The following B3GALT1 variants were observed in gnomAD, a reference collection of about 807,000 sequenced individuals.
B3GALT1 encodes the protein beta-1,3-galactosyltransferase 1.
Under a neutral mutation model 23.2 loss-of-function variants are expected in B3GALT1, and 10 were observed. The observed-to-expected ratio is 0.43, with a 90% CI of 0.27 to 0.73. B3GALT1 has a LOEUF of 0.73. B3GALT1 is among the 30% of genes least tolerant of loss of function. The pLI is 0.21. For synonymous variants in B3GALT1, 156 were observed against 141.5 expected (o/e 1.10, Z -0.73); for missense variants, 299 against 405.4 (o/e 0.74, Z 2.25).
chr2:167,637,329 A>G (rs1685574262), intron 2 of B3GALT1, among the ~76,000 whole-genome samples: 1 of 152,066 alleles, frequency 6.6e-6, no homozygotes, highest in Non-Finnish European at 1.5e-5. Flanking sequence ...GCACCGTTAT[A>G]CTAATGCCCA....
chr2:167,356,474 ACTTG>A (rs1488180951), intron 1 of B3GALT1, among the ~76,000 whole-genome samples: 4 of 152,080 alleles, frequency 2.6e-5, no homozygotes, highest in African/African-American at 9.7e-5. Context: ...AAATTCCCTC[ACTTG>A]CTTCTATTAT....
At position 167,871,548 on chromosome 2, in the gene B3GALT1, A is replaced by G. The variant is rs552285507; in HGVS notation, c.*1528A>G. On this transcript the variant is annotated 3_prime_UTR_variant, in exon 5 of 5. Coordinates refer to ENST00000392690, the MANE Select transcript of B3GALT1 (RefSeq NM_020981.4). Reference sequence around the variant, plus strand: ...TCTGAGATTTCTTCTGGTTTCAATGAATAAGTGACTAGGTCAGTGTGTTGC... The same window carrying G: ...TCTGAGATTTCTTCTGGTTTCAATGGATAAGTGACTAGGTCAGTGTGTTGC... The G allele has an allele frequency of 7.2e-5, 11 of 152,276 alleles. No homozygotes were observed. The South Asian group carries it at 8.3e-4, about 11-fold the overall frequency. The allele number at this position is 152,276 out of a possible 1,614,324, so 9.4% of individuals were successfully genotyped here. A position where few individuals can be genotyped will look rare whatever the true frequency, so the allele number is the denominator to read the frequency against.
intron 1 of B3GALT1, among the ~76,000 whole-genome samples, chr2:167,360,220 A>G (rs16853505): frequency 0.036 from 5,518 of 152,254 alleles, 329 homozygotes; most frequent in African/African-American, 0.12. Flanking sequence ...ATATTTTGAC[A>G]TGAGGAATCT....
intron 3 of B3GALT1, among the ~76,000 whole-genome samples, chr2:167,678,015 C>A (rs750998772): frequency 1.3e-5 from 2 of 152,186 alleles, no homozygotes; most frequent in African/African-American, 2.4e-5. Context: ...CCTCCCCCAA[C>A]ACGTGCGGAT....
intron 2 of B3GALT1, among the ~76,000 whole-genome samples, chr2:167,502,454 C>A (rs921079756): frequency 2.0e-5 from 3 of 152,172 alleles, no homozygotes; most frequent in African/African-American, 7.2e-5. Flanking sequence ...TTAGAAAGAA[C>A]TACCTGAAAC....
chr2:167,313,956 A>G (rs1489120043), intron 1 of B3GALT1, among the ~76,000 whole-genome samples: 1 of 152,130 alleles, frequency 6.6e-6, no homozygotes, highest in Non-Finnish European at 1.5e-5. Flanking sequence ...TGCACCCAGT[A>G]ATAGTAACGC....
At position 167,339,304 on chromosome 2, in the gene B3GALT1, A is replaced by G. The variant is rs369878943; in HGVS notation, c.-511+45970A>G. On this transcript the variant is annotated intron_variant, in intron 1 of 4. Transcript: ENST00000392690. Reference sequence around the variant, plus strand: ...TTTTTAAAAAGCAAGTTGCGCAGGTAATACAAATGTATGACACAACTTATA... The same window carrying G: ...TTTTTAAAAAGCAAGTTGCGCAGGTGATACAAATGTATGACACAACTTATA... Among the ~76,000 whole-genome samples, 4 of 152,314 alleles carry G rather than the reference A, an allele frequency of 2.6e-5. No individual in the cohort carries two copies. In the South Asian group the frequency reaches 6.2e-4, roughly 24 times the overall value.
chr2:167,632,378 C>T (rs943736854), intron 2 of B3GALT1, among the ~76,000 whole-genome samples: 6 of 152,074 alleles, frequency 3.9e-5, no homozygotes, highest in African/African-American at 1.4e-4. Context: ...ACACTGTCTT[C>T]CACAATGGTT....
chr2:167,381,341 G>A (rs559699738), intron 1 of B3GALT1, among the ~76,000 whole-genome samples: 102 of 152,254 alleles, frequency 6.7e-4, no homozygotes, highest in African/African-American at 2.4e-3. Flanking sequence ...GATTATAGGC[G>A]TGAGCTACTA....
chr2:167,401,296 T>G (rs1698185163), intron 1 of B3GALT1, among the ~76,000 whole-genome samples: 1 of 152,106 alleles, frequency 6.6e-6, no homozygotes, highest in African/African-American at 2.4e-5. Context: ...AATTTTCAGC[T>G]CAATTGGAGT....
intron 3 of B3GALT1, among the ~76,000 whole-genome samples, chr2:167,704,008 C>T (rs540855321): frequency 1.2e-3 from 175 of 151,788 alleles, no homozygotes; most frequent in Non-Finnish European, 1.6e-3. Context: ...GGTGAAACCC[C>T]GTCTCTACTA....
intron 1 of B3GALT1, among the ~76,000 whole-genome samples, chr2:167,343,967 G>T (rs566988462): frequency 5.3e-5 from 8 of 152,250 alleles, no homozygotes; most frequent in African/African-American, 1.9e-4. Context: ...GCTGGATCAC[G>T]GTTTAAAACC....
intron 3 of B3GALT1, among the ~76,000 whole-genome samples, chr2:167,780,804 C>T (rs1246579923): frequency 3.3e-5 from 5 of 152,156 alleles, no homozygotes; most frequent in Non-Finnish European, 5.9e-5. Flanking sequence ...TGACAGGCAG[C>T]ATGAATTAAT....
At chr2:167,663,536 A>G (rs1372241640) in intron 3 of B3GALT1, among the ~76,000 whole-genome samples, 1 of 151,970 alleles carries the variant, frequency 6.6e-6, no homozygotes, top group Non-Finnish European at 1.5e-5. Flanking sequence ...GAATCGCCAC[A>G]CTGACTTCCA....
chr2:167,329,160 G>C (rs1581485), intron 1 of B3GALT1, among the ~76,000 whole-genome samples: 120,867 of 151,760 alleles, frequency 0.8, 49,828 homozygotes, highest in Non-Finnish European at 0.91. Context: ...TATAAATTCT[G>C]TCTCAGGGAA....
intron 3 of B3GALT1, among the ~76,000 whole-genome samples, chr2:167,796,198 G>A (rs59901332): frequency 0.042 from 6,315 of 151,992 alleles, 477 homozygotes; most frequent in African/African-American, 0.15. Context: ...TCTCACCTTT[G>A]TACTGGCTGC....
At chr2:167,531,730 A>G (rs1683329615) in intron 2 of B3GALT1, among the ~76,000 whole-genome samples, 1 of 152,124 alleles carries the variant, frequency 6.6e-6, no homozygotes, top group African/African-American at 2.4e-5. Context: ...TGTTAACTAT[A>G]CTCTATAATT....
chr2:167,435,954 A>AACACACAC (rs66661618), intron 1 of B3GALT1, among the ~76,000 whole-genome samples: 2 of 139,300 alleles, frequency 1.4e-5, no homozygotes, highest in Middle Eastern at 3.8e-3. Context: ...CACACACACA[A>AACACACAC]ACACACACAC....
chr2:167,825,599 C>A (rs1260670342), intron 4 of B3GALT1, among the ~76,000 whole-genome samples: 1 of 151,728 alleles, frequency 6.6e-6, no homozygotes, highest in African/African-American at 2.4e-5. Context: ...ATAATTTTTC[C>A]CCTTAGAGCA....
Sources: allele counts gnomAD v4.1 joint callset (sites outside exome capture counted in the v4.1 genomes callset), GRCh38; gene constraint gnomAD v4.1.1; transcripts MANE v1.5; gene names NCBI Gene and HGNC (gene_info 2026-07-23, HGNC 2026-07-21).